The following KIAA1217 variants were observed in gnomAD, a reference collection of about 807,000 sequenced individuals.
KIAA1217 encodes the protein sickle tail protein homolog.
Under a neutral mutation model 163.9 loss-of-function variants are expected in KIAA1217, and 88 were observed. The observed-to-expected ratio is 0.54, with a 90% confidence interval of 0.45 to 0.64. The LOEUF is 0.64. KIAA1217 is among the 30% of genes least tolerant of loss of function. The pLI is 0.00. For missense variants in KIAA1217, 2,372 were observed against 2,475.0 expected, an observed-to-expected ratio of 0.96 and a Z score of 0.88; for synonymous variants, 903 against 923.1, an observed-to-expected ratio of 0.98 and a Z score of 0.39.
intron 1 of KIAA1217, among the ~76,000 whole-genome samples, chr10:23,946,267 T>TTA (rs1844035642): frequency 8.6e-6 from 1 of 115,756 alleles, no homozygotes; most frequent in African/African-American, 3.2e-5. Context: ...CTCTTCCGTT[T>TTA]AAAAAAAAAA....
chr10:23,913,406 T>C (rs554063173), intron 1 of KIAA1217, among the ~76,000 whole-genome samples: 2 of 132,726 alleles, frequency 1.5e-5, no homozygotes, highest in East Asian at 3.9e-4. Flanking sequence ...ACTAAGTGCT[T>C]TTCTGTTCCA....
intron 2 of KIAA1217, among the ~76,000 whole-genome samples, chr10:24,238,116 G>A (rs2072535648): frequency 6.6e-6 from 1 of 152,328 alleles, no homozygotes; most frequent in Middle Eastern, 3.4e-3. Flanking sequence ...AATGGGATCC[G>A]TGGCAAGTTA....
intron 2 of KIAA1217, among the ~76,000 whole-genome samples, chr10:24,039,791 GATATAGATAGATATAGATATAGAT>G (rs1156403958): frequency 7.5e-6 from 1 of 133,720 alleles, no homozygotes; most frequent in Admixed American, 8.1e-5. Context: ...GCATGATATA[GATATAGATAGATATAGATATAGAT>G]ATAGATATAG....
intron 2 of KIAA1217, among the ~76,000 whole-genome samples, chr10:24,096,070 T>A (rs1023778371): frequency 6.6e-6 from 1 of 152,346 alleles, no homozygotes; most frequent in Admixed American, 6.5e-5. Context: ...ATTGCACCAC[T>A]GTATTCCATC....
At chr10:24,302,075 C>T (rs947539225) in intron 2 of KIAA1217, among the ~76,000 whole-genome samples, 13 of 152,104 alleles carry the variant, frequency 8.5e-5, no homozygotes, top group Admixed American at 2.6e-4. Context: ...AGACAGCAAA[C>T]GAGACATAGG....
In KIAA1217 at chr10:24,223,356, A is replaced by G. The variant is rs77987542; in HGVS notation, c.354+3447A>G. ...GGCCTATGAAATTGCTGCAGACATC[A>G]TCTCATCTTCTGTCTTTTCCACTCT... On this transcript the variant is annotated intron_variant, in intron 2 of 20. Coordinates refer to ENST00000376454, the MANE Select transcript of KIAA1217 (RefSeq NM_019590.5). Among the ~76,000 whole-genome samples the G allele has an allele frequency of 1.1e-3, 172 of 152,170 alleles. 1 individual carries two copies. The highest frequency in any genetic ancestry group is 3.9e-3 in the African/African-American group (162 of 41,532).
chr10:24,510,728 G>C (rs1310204386), intron 9 of KIAA1217, among the ~76,000 whole-genome samples: 1 of 152,140 alleles, frequency 6.6e-6, no homozygotes, highest in East Asian at 1.9e-4. Flanking sequence ...TGGCTTTGCT[G>C]TGTGTGGTTA....
At chr10:24,365,942 A>G (rs1310226678) in intron 2 of KIAA1217, among the ~76,000 whole-genome samples, 1 of 152,200 alleles carries the variant, frequency 6.6e-6, no homozygotes, top group East Asian at 1.9e-4. Context: ...GTATAATTCA[A>G]TCATGACGGT....
chr10:23,697,659 C>G (rs1343840548), intron 1 of KIAA1217, among the ~76,000 whole-genome samples: 1 of 151,298 alleles, frequency 6.6e-6, no homozygotes, highest in Admixed American at 6.6e-5. Context: ...CGCTTGAGCT[C>G]TGGAGTTTAA....
chr10:24,419,046 A>G (rs2058510171), intron 3 of KIAA1217, among the ~76,000 whole-genome samples: 1 of 151,830 alleles, frequency 6.6e-6, no homozygotes, highest in Non-Finnish European at 1.5e-5. Flanking sequence ...GTGTGGTGGC[A>G]AGTGCCTGTA....
At chr10:23,813,241 C>T (rs865949757) in intron 1 of KIAA1217, among the ~76,000 whole-genome samples, 4 of 152,130 alleles carry the variant, frequency 2.6e-5, no homozygotes, top group African/African-American at 7.2e-5. Flanking sequence ...CTTTGGACAA[C>T]TATCAGCTTC....
intron 2 of KIAA1217, among the ~76,000 whole-genome samples, chr10:24,263,717 G>A (rs1285375912): frequency 6.6e-6 from 1 of 151,876 alleles, no homozygotes; most frequent in Non-Finnish European, 1.5e-5. Flanking sequence ...AGTTGAGTGG[G>A]GTTGTGTCTC....
rs1192818881 is a variant in KIAA1217 at position 24,543,150 on chromosome 10, C to T, written c.3880C>T (p.Pro1294Ser). The T allele has an allele frequency of 9.9e-6, 16 of 1,612,898 alleles. No homozygotes were observed. The highest frequency in any genetic ancestry group is 1.2e-5 in the Non-Finnish European group (14 of 1,179,848). ...SKISGLQYSI[P>S]DTENQTLNYG... Reference sequence around the variant, plus strand: ...AATCTCAGGCCTGCAATACTCTATACCTGACACCGAGAACCAGACGCTGAA... The same window carrying T: ...AATCTCAGGCCTGCAATACTCTATATCTGACACCGAGAACCAGACGCTGAA... The change falls in exon 19 of 21, where the codon CCT becomes TCT. Residue 1294 changes from proline (P) to serine (S), a missense_variant. By Grantham distance (74) the Pro-to-Ser change is moderately conservative. This residue lies in a region of KIAA1217 where 251 missense variants were observed against 327.3 expected (regional missense o/e 0.77). Transcript: ENST00000376454.
intron 2 of KIAA1217, among the ~76,000 whole-genome samples, chr10:24,010,660 C>T (rs1179035579): frequency 3.4e-5 from 5 of 149,020 alleles, no homozygotes; most frequent in African/African-American, 1.0e-4. Flanking sequence ...CATATGTTCT[C>T]GGTTCCATGA....
At chr10:23,718,437 T>C (rs1014858905) in intron 1 of KIAA1217, among the ~76,000 whole-genome samples, 1 of 152,232 alleles carries the variant, frequency 6.6e-6, no homozygotes, top group Non-Finnish European at 1.5e-5. Context: ...ATGAAAGATG[T>C]GTCCCAAGTT....
intron 9 of KIAA1217, among the ~76,000 whole-genome samples, chr10:24,502,747 C>T (rs1017606944): frequency 6.6e-6 from 1 of 152,158 alleles, no homozygotes; most frequent in Non-Finnish European, 1.5e-5. Flanking sequence ...AATCCCAGCA[C>T]TTTGGGAGGA....
intron 3 of KIAA1217, among the ~76,000 whole-genome samples, chr10:24,424,462 A>G (rs1019646708): frequency 5.3e-5 from 8 of 152,096 alleles, no homozygotes; most frequent in African/African-American, 1.7e-4. Flanking sequence ...TTGCTTTTGT[A>G]CTCCCGAGTT....
At chr10:24,154,448 A>G (rs1395943172) in intron 2 of KIAA1217, among the ~76,000 whole-genome samples, 1 of 152,044 alleles carries the variant, frequency 6.6e-6, no homozygotes, top group Non-Finnish European at 1.5e-5. Context: ...AAATAAAAAT[A>G]ATAATGAAGA....
chr10:24,361,668 GT>G (rs2050019525), intron 2 of KIAA1217, among the ~76,000 whole-genome samples: 1 of 152,050 alleles, frequency 6.6e-6, no homozygotes, highest in African/African-American at 2.4e-5. Context: ...ATTTTCTTGG[GT>G]TCTTTATTAG....
Sources: gnomAD v4.1 joint callset for allele counts (sites outside exome capture counted in the v4.1 genomes callset) on GRCh38, gnomAD v4.1.1 for gene constraint, gnomAD v4.1.1 regional missense constraint, MANE v1.5 for transcripts, NCBI Gene and HGNC (gene_info 2026-07-23, HGNC 2026-07-21) for gene names.